Variants in NKTR observed in about 807,000 individuals in gnomAD.
NKTR encodes natural killer cell triggering receptor.
Under a neutral mutation model 156.3 loss-of-function variants are expected in NKTR, and 67 were observed. The ratio of observed to expected loss-of-function variants is 0.43; its 90% CI spans 0.35 to 0.53. The LOEUF (loss-of-function observed/expected upper bound fraction) is 0.53, where lower values mean the gene tolerates loss of function less well. NKTR is among the 20% of genes least tolerant of loss of function. NKTR has a pLI of 0.01. For synonymous variants in NKTR, 640 were observed against 596.6 expected (o/e 1.07, Z -1.06); for missense variants, 1,604 against 1,730.9 (o/e 0.93, Z 1.30).
intron 2 of NKTR, chr3:42,602,159 TTATA>T (rs1208647852): frequency 1.3e-5 from 2 of 152,212 alleles, no homozygotes; most frequent in Admixed American, 1.3e-4. Flanking sequence ...AACAATGGTC[TTATA>T]TATAATACCT....
In NKTR at chr3:42,631,307, A is replaced by G. The variant is rs528046789; in HGVS notation, c.541A>G (p.Ile181Val). ...IDCGVLATKS[I>V]KDVFEKKRKK... Reference sequence around the variant, plus strand: ...CTGTGGAGTACTTGCCACAAAATCAATAAAAGATGGTAAGAACTTTTTTGA... The same window carrying G: ...CTGTGGAGTACTTGCCACAAAATCAGTAAAAGATGGTAAGAACTTTTTTGA... The change falls in exon 8 of 17, where the codon ATA becomes GTA. Residue 181 changes from isoleucine to valine, a missense_variant. Ile to Val is a conservative substitution (Grantham distance 29, BLOSUM62 3). Coordinates refer to ENST00000232978, the MANE Select transcript of NKTR (RefSeq NM_005385.4). 1.6e-5 allele frequency: 26 copies of G among 1,613,560 alleles called. No homozygotes were observed. Among genetic ancestry groups the G allele is most frequent in the South Asian group, 1.5e-4 (14 of 91,002 alleles).
Position 42,638,163 on chromosome 3 carries a change from A to C in NKTR, c.2459A>C (p.Gln820Pro). Reference sequence around the variant, plus strand: ...GAGCAGTCAAGTGTTCAGGCCACACAGTCAGCCCAGGAAAAAGAGAAGCAG... The same window carrying C: ...GAGCAGTCAAGTGTTCAGGCCACACCGTCAGCCCAGGAAAAAGAGAAGCAG... ...DSEQSSVQAT[Q>P]SAQEKEKQGQ... Residue 820 changes from glutamine to proline, a missense_variant, in exon 13 of 17, where the codon CAG becomes CCG. Coordinates refer to ENST00000232978, the MANE Select transcript of NKTR (RefSeq NM_005385.4). 4 of 1,612,980 alleles carry C rather than the reference A, an allele frequency of 2.5e-6. No homozygotes were observed. In the Admixed American group the frequency reaches 6.7e-5, roughly 27 times the overall value.
chr3:42,643,755 T>C, intron 15 of NKTR, 147 bp from the exon 16 acceptor site: 1 of 689,012 alleles, frequency 1.5e-6, no homozygotes, highest in East Asian at 2.7e-5. Flanking sequence ...GTTAAATGTT[T>C]CCAGTACTTG....
chr3:42,630,893 C>T, intron 7 of NKTR: 1 of 1,365,676 alleles, frequency 7.3e-7, no homozygotes, highest in Non-Finnish European at 9.4e-7. Context: ...GGAAGGTTCC[C>T]AAGTACCAAG....
In NKTR at chr3:42,639,431, T is replaced by A; in HGVS notation, c.3727T>A (p.Ser1243Thr). The A allele has an allele frequency of 6.2e-7, 1 of 1,614,034 alleles. No individual in the cohort carries two copies. The highest frequency in any genetic ancestry group is 8.5e-7 in the Non-Finnish European group (1 of 1,179,868). ...GNLAAPNAAT[S>T]SAVEVKVLTT... Reference sequence around the variant, plus strand: ...CCTGGCAGCACCTAATGCTGCCACATCCAGTGCTGTGGAAGTTAAGGTGTT... The same window carrying A: ...CCTGGCAGCACCTAATGCTGCCACAACCAGTGCTGTGGAAGTTAAGGTGTT... Residue 1243 changes from serine (S) to threonine (T), a missense_variant, in exon 13 of 17, where the codon TCC (serine) becomes ACC (threonine). Around this residue, in one of 6 missense-constraint regions of NKTR, gnomAD observed 1,255 missense variants for 1,243.7 expected, o/e 1.01. Transcript: ENST00000232978.
intron 2 of NKTR, 58 bp downstream of exon 2, chr3:42,601,122 G>A (rs530978305): frequency 6.4e-6 from 9 of 1,406,616 alleles, no homozygotes; most frequent in African/African-American, 3.0e-5. Context: ...CGAAGGGGAG[G>A]GGTCTACCCT....
Position 42,600,702 on chromosome 3 carries a change from C to A in NKTR, c.-100C>A, listed in dbSNP as rs751119584. The A allele has an allele frequency of 4.1e-6, 1 of 244,782 alleles. No homozygotes were observed. The highest frequency in any genetic ancestry group is 7.8e-6 in the Non-Finnish European group (1 of 127,510). 15.2% of individuals were successfully genotyped at this position (244,782 alleles called of 1,614,324 possible). A position where few individuals can be genotyped will look rare whatever the true frequency, so the allele number is the denominator to read the frequency against. On this transcript the variant is annotated 5_prime_UTR_variant, in exon 1 of 17. Coordinates refer to ENST00000232978, the MANE Select transcript of NKTR (RefSeq NM_005385.4). Reference sequence around the variant, plus strand: ...GGGGGAGGAGACGGCGTTCCGTTAGCGGCGTTGGGGTTTGGCTGCAGTGGC... The same window carrying A: ...GGGGGAGGAGACGGCGTTCCGTTAGAGGCGTTGGGGTTTGGCTGCAGTGGC...
chr3:42,641,976 G>C (rs1347250158), intron 13 of NKTR, among the ~76,000 whole-genome samples: 1 of 151,126 alleles, frequency 6.6e-6, no homozygotes, highest in Non-Finnish European at 1.5e-5. Flanking sequence ...TTATAATTTT[G>C]TTGTCTTTCT....
chr3:42,604,882 G>C (rs192719436), intron 2 of NKTR, among the ~76,000 whole-genome samples: 4 of 151,466 alleles, frequency 2.6e-5, no homozygotes, highest in South Asian at 4.2e-4. Context: ...TAGAGACAGG[G>C]TTTCTTCATG....
chr3:42,601,284 C>G (rs1241373653), intron 2 of NKTR: 2 of 404,916 alleles, frequency 4.9e-6, no homozygotes, highest in East Asian at 8.0e-5. Flanking sequence ...CCACACACCC[C>G]GCTGCATCTC....
intron 6 of NKTR, chr3:42,629,170 T>G (rs1409337151): frequency 2.0e-6 from 2 of 984,924 alleles, no homozygotes; most frequent in East Asian, 1.1e-4. Flanking sequence ...GATGCTAGTT[T>G]AATGATTTAA....
intron 12 of NKTR, chr3:42,635,628 AG>A (rs1325575241): frequency 1.2e-5 from 3 of 253,290 alleles, no homozygotes; most frequent in Non-Finnish European, 2.2e-5. Flanking sequence ...AGAAATAATT[AG>A]GACTTAGAGG....
chr3:42,630,769 C>A, intron 7 of NKTR, 194 bp downstream of exon 7: 2 of 1,391,910 alleles, frequency 1.4e-6, no homozygotes, highest in Non-Finnish European at 1.9e-6. Flanking sequence ...AGGAGTCAAT[C>A]TGTGCTCATG....
intron 2 of NKTR, among the ~76,000 whole-genome samples, chr3:42,605,501 C>T (rs1031632983): frequency 6.6e-6 from 1 of 152,164 alleles, no homozygotes; most frequent in African/African-American, 2.4e-5. Context: ...TACTTGTGTC[C>T]TTGGTCAAGC....
At chr3:42,607,875 CCTG>C (rs1706373756) in intron 2 of NKTR, among the ~76,000 whole-genome samples, 1 of 150,538 alleles carries the variant, frequency 6.6e-6, no homozygotes, top group Non-Finnish European at 1.5e-5. Context: ...ACACTATCTA[CCTG>C]GAGTTAGTGT....
intron 12 of NKTR, 146 bp downstream of exon 12, chr3:42,635,512 T>A (rs1709317147): frequency 1.7e-6 from 1 of 600,566 alleles, no homozygotes. Context: ...TTGGGACTAC[T>A]TGATGAAAGT....
At chr3:42,625,791 T>C (rs778944795) in intron 6 of NKTR, among the ~76,000 whole-genome samples, 4 of 152,206 alleles carry the variant, frequency 2.6e-5, no homozygotes, top group Non-Finnish European at 5.9e-5. Context: ...ATAAACCATA[T>C]TCTCTGAATA....
chr3:42,607,506 T>A (rs1472627974), intron 2 of NKTR, among the ~76,000 whole-genome samples: 7 of 149,298 alleles, frequency 4.7e-5, no homozygotes, highest in Non-Finnish European at 5.9e-5. Flanking sequence ...TCTAATGGGG[T>A]GCAAAAAAAA....
At chr3:42,600,867 C>T (rs1039632663) in intron 1 of NKTR, 89 bp downstream of exon 1, 6 of 591,592 alleles carry the variant, frequency 1.0e-5, no homozygotes, top group Non-Finnish European at 1.3e-5. Flanking sequence ...CCTGCGCTGT[C>T]GCGACGGGCC....
Sources: gnomAD v4.1 joint callset for allele counts (sites outside exome capture counted in the v4.1 genomes callset) on GRCh38, gnomAD v4.1.1 for gene constraint, gnomAD v4.1.1 regional missense constraint, MANE v1.5 for transcripts, NCBI Gene and HGNC (gene_info 2026-07-23, HGNC 2026-07-21) for gene names.